The following GPC5 variants were observed in gnomAD, a reference collection of about 807,000 sequenced individuals.
The protein encoded by GPC5 is glypican-5.
GPC5 carries 47 observed loss-of-function variants against 53.9 expected under a neutral mutation model. The observed-to-expected ratio is 0.87, with a 90% CI of 0.69 to 1.11. The LOEUF (loss-of-function observed/expected upper bound fraction) is 1.11, where lower values mean the gene tolerates loss of function less well. Among genes scored for constraint, GPC5 ranks in the 50% most tolerant of loss-of-function variants. The pLI is 0.00. For missense variants in GPC5, 748 were observed against 713.1 expected, an observed-to-expected ratio of 1.05 and a Z score of -0.56; for synonymous variants, 286 against 263.3, an observed-to-expected ratio of 1.09 and a Z score of -0.84.
At chr13:92,189,565 T>C (rs2139045900) in intron 7 of GPC5, among the ~76,000 whole-genome samples, 1 of 152,142 alleles carries the variant, frequency 6.6e-6, no homozygotes, top group South Asian at 2.1e-4. Context: ...TTCTTTTACA[T>C]CGTGTCTGCC....
At chr13:91,807,032 C>T (rs749780746) in intron 5 of GPC5, among the ~76,000 whole-genome samples, 2 of 151,956 alleles carry the variant, frequency 1.3e-5, no homozygotes, top group Non-Finnish European at 2.9e-5. Context: ...TGCAATAGAT[C>T]AATATTTCTC....
rs9805318 is a variant in GPC5 at position 91,695,776 on chromosome 13, C to T, written c.1020+1895C>T. Reference sequence around the variant, plus strand: ...TGATTATTAATTTGGGTCATTATAACTTAATGTCCCATGGCCAGGACCTTC... The same window carrying T: ...TGATTATTAATTTGGGTCATTATAATTTAATGTCCCATGGCCAGGACCTTC... On this transcript the variant is annotated intron_variant, in intron 3 of 7. Transcript: ENST00000377067. 5.4e-3 allele frequency among the ~76,000 whole-genome samples: 827 copies of T among 152,284 alleles called. 8 individuals are homozygous for T. The highest frequency in any genetic ancestry group is 0.035 in the South Asian group (169 of 4,816).
At chr13:91,658,410 A>G (rs2034900731) in intron 2 of GPC5, among the ~76,000 whole-genome samples, 1 of 152,154 alleles carries the variant, frequency 6.6e-6, no homozygotes, top group Non-Finnish European at 1.5e-5. Context: ...GAATAAGTTC[A>G]TAATCATTCT....
chr13:91,650,750 G>GTTTTGTTTTGTTTTTTTTT (rs1555333961), intron 2 of GPC5, among the ~76,000 whole-genome samples: 4 of 99,642 alleles, frequency 4.0e-5, no homozygotes, highest in African/African-American at 1.2e-4. Context: ...ATTCCCATAA[G>GTTTTGTTTTGTTTTTTTTT]TTTTTTTTTT....
chr13:92,662,715 C>T (rs7328884), intron 7 of GPC5, among the ~76,000 whole-genome samples: 5,507 of 152,120 alleles, frequency 0.036, 336 homozygotes, highest in African/African-American at 0.13. Flanking sequence ...AACCAGTGAC[C>T]GAAAGATACT....
chr13:92,362,751 A>G (rs976004261), intron 7 of GPC5, among the ~76,000 whole-genome samples: 12 of 151,834 alleles, frequency 7.9e-5, no homozygotes, highest in African/African-American at 2.2e-4. Context: ...TTGAAAATCC[A>G]TTTGCCCAAT....
intron 7 of GPC5, among the ~76,000 whole-genome samples, chr13:92,403,202 A>G (rs553445202): frequency 6.6e-6 from 1 of 152,348 alleles, no homozygotes; most frequent in East Asian, 1.9e-4. Flanking sequence ...TGAAATATTA[A>G]TGGTGGATGT....
At chr13:92,553,253 G>T (rs976258761) in intron 7 of GPC5, among the ~76,000 whole-genome samples, 8 of 151,882 alleles carry the variant, frequency 5.3e-5, no homozygotes, top group African/African-American at 1.9e-4. Flanking sequence ...TATCCAATAT[G>T]ATCTCTAGCC....
At chr13:91,464,366 C>T (rs1437679349) in intron 2 of GPC5, among the ~76,000 whole-genome samples, 3 of 152,074 alleles carry the variant, frequency 2.0e-5, no homozygotes, top group Non-Finnish European at 2.9e-5. Flanking sequence ...AATAAATGCA[C>T]GCTTGGACAT....
At chr13:92,152,541 A>G (rs888224328) in intron 7 of GPC5, among the ~76,000 whole-genome samples, 1 of 152,046 alleles carries the variant, frequency 6.6e-6, no homozygotes, top group Non-Finnish European at 1.5e-5. Context: ...GTTTGATAAA[A>G]TTGGGCTAAC....
At chr13:92,514,045 A>G (rs1398026829) in intron 7 of GPC5, among the ~76,000 whole-genome samples, 1 of 152,060 alleles carries the variant, frequency 6.6e-6, no homozygotes, top group Non-Finnish European at 1.5e-5. Flanking sequence ...TTACTCAGAT[A>G]AATCAGTAAA....
At chr13:91,636,025 G>A (rs142539643) in intron 2 of GPC5, among the ~76,000 whole-genome samples, 2,698 of 151,882 alleles carry the variant, frequency 0.018, 44 homozygotes, top group Middle Eastern at 0.062. Flanking sequence ...GGTTGTTGCC[G>A]TTGGATCTAT....
intron 2 of GPC5, among the ~76,000 whole-genome samples, chr13:91,590,442 A>G (rs2032756010): frequency 6.6e-6 from 1 of 152,002 alleles, no homozygotes; most frequent in Non-Finnish European, 1.5e-5. Flanking sequence ...GTTTTCCTAT[A>G]TTTTCTCTTA....
intron 7 of GPC5, among the ~76,000 whole-genome samples, chr13:92,795,967 A>C (rs530178477): frequency 1.3e-5 from 2 of 152,256 alleles, no homozygotes; most frequent in African/African-American, 4.8e-5. Context: ...TTCCTCAAGC[A>C]TCTAGAACTA....
intron 7 of GPC5, among the ~76,000 whole-genome samples, chr13:92,758,392 G>C (rs1874999752): frequency 6.6e-6 from 1 of 151,526 alleles, no homozygotes; most frequent in Non-Finnish European, 1.5e-5. Flanking sequence ...GAGTTAGTGG[G>C]TGCAGCGCAC....
chr13:91,415,556 A>T (rs1878152319), intron 1 of GPC5, among the ~76,000 whole-genome samples: 1 of 151,928 alleles, frequency 6.6e-6, no homozygotes, highest in Admixed American at 6.6e-5. Context: ...CGTCTTGCCT[A>T]TTGTTGCCTC....
chr13:91,864,391 CTT>C (rs1460241421), intron 5 of GPC5, among the ~76,000 whole-genome samples: 3 of 152,066 alleles, frequency 2.0e-5, no homozygotes, highest in African/African-American at 7.2e-5. Flanking sequence ...GTTTTACTGT[CTT>C]TGCTTTTACA....
At chr13:92,391,826 T>C (rs1219576977) in intron 7 of GPC5, among the ~76,000 whole-genome samples, 2 of 152,146 alleles carry the variant, frequency 1.3e-5, no homozygotes, top group African/African-American at 4.8e-5. Context: ...GATTATCACT[T>C]TCTAGAAGGT....
At chr13:92,735,549 C>G (rs1888913117) in intron 7 of GPC5, among the ~76,000 whole-genome samples, 1 of 151,956 alleles carries the variant, frequency 6.6e-6, no homozygotes, top group Non-Finnish European at 1.5e-5. Flanking sequence ...ACTGCATATT[C>G]TGAAATGCTT....
Sources: gnomAD v4.1 joint callset for allele counts (sites outside exome capture counted in the v4.1 genomes callset) on GRCh38, gnomAD v4.1.1 for gene constraint, MANE v1.5 for transcripts, NCBI Gene and HGNC (gene_info 2026-07-23, HGNC 2026-07-21) for gene names.